The following FAM216A variants were observed in gnomAD, a reference collection of about 807,000 sequenced individuals.
The protein encoded by FAM216A is family with sequence similarity 216 member A, also known as protein FAM216A.
FAM216A carries 26 observed loss-of-function variants against 37.6 expected under a neutral mutation model. The ratio of observed to expected loss-of-function variants is 0.69; its 90% CI spans 0.51 to 0.96. The LOEUF is 0.96. Ranked by LOEUF, FAM216A falls within the 40% of genes least tolerant of loss-of-function variation. FAM216A has a pLI of 0.00. For synonymous variants in FAM216A, 110 were observed against 121.7 expected, an observed-to-expected ratio of 0.90 and a Z score of 0.64; for missense variants, 326 against 339.3, an observed-to-expected ratio of 0.96 and a Z score of 0.31.
intron 2 of FAM216A, among the ~76,000 whole-genome samples, chr12:110,474,318 TTA>T (rs926407567): frequency 2.6e-5 from 4 of 151,966 alleles, no homozygotes; most frequent in Admixed American, 2.0e-4. Context: ...ATTGACTTAG[TTA>T]TATAAAAGAA....
At chr12:110,478,839 G>T (rs1029471411) in intron 2 of FAM216A, among the ~76,000 whole-genome samples, 1 of 152,106 alleles carries the variant, frequency 6.6e-6, no homozygotes, top group African/African-American at 2.4e-5. Flanking sequence ...AGCCGCTAAA[G>T]TTGTGTTGTT....
chr12:110,479,379 A>G (rs886194915), intron 2 of FAM216A, among the ~76,000 whole-genome samples: 3 of 152,154 alleles, frequency 2.0e-5, no homozygotes, highest in African/African-American at 7.2e-5. Flanking sequence ...TTCCAATCCA[A>G]CAAACAGGGT....
intron 2 of FAM216A, among the ~76,000 whole-genome samples, chr12:110,479,150 C>T (rs144765740): frequency 0.018 from 2,724 of 147,948 alleles, 101 homozygotes; most frequent in African/African-American, 0.064. Flanking sequence ...GGCAACAGAG[C>T]GAGACTCTGT....
At chr12:110,471,796 A>T (rs555259431) in intron 1 of FAM216A, among the ~76,000 whole-genome samples, 1 of 152,266 alleles carries the variant, frequency 6.6e-6, no homozygotes, top group Non-Finnish European at 1.5e-5. Flanking sequence ...CGCCTGGCCC[A>T]TGAACTCTTG....
chr12:110,471,283 G>T (rs1262589090), intron 1 of FAM216A, among the ~76,000 whole-genome samples: 5 of 152,012 alleles, frequency 3.3e-5, no homozygotes, highest in Admixed American at 3.3e-4. Context: ...AGAGAACGGG[G>T]TTTCACCATG....
At chr12:110,471,392 T>C (rs1337305061) in intron 1 of FAM216A, among the ~76,000 whole-genome samples, 2 of 152,160 alleles carry the variant, frequency 1.3e-5, no homozygotes, top group Admixed American at 6.6e-5. Context: ...CCAGCACTTT[T>C]TTTCTTTAAA....
intron 2 of FAM216A, among the ~76,000 whole-genome samples, chr12:110,483,845 T>C (rs1385376329): frequency 6.6e-6 from 1 of 151,784 alleles, no homozygotes. Flanking sequence ...CAACAAAAAA[T>C]GAAATAACTG....
Position 110,486,581 on chromosome 12 carries a change from A to G in FAM216A, c.484A>G (p.Lys162Glu). ...CCGCCTTAGCTCCCGTTACTCACAG[A>G]AACAGCATTACCCTTGCACTACATG... ...RSRLSSRYSQ[K>E]QHYPCTTWRH... Residue 162 changes from lysine to glutamate, a missense_variant, in exon 5 of 7, where the codon AAA (lysine) becomes GAA (glutamate). Lys to Glu is a moderately conservative substitution (Grantham distance 56). Transcript: ENST00000377673. 1.9e-6 allele frequency: 3 copies of G among 1,614,058 alleles called. No individual in the cohort carries two copies. The highest frequency in any genetic ancestry group is 2.5e-6 in the Non-Finnish European group (3 of 1,180,000).
chr12:110,489,840 A>G (rs777691284), intron 6 of FAM216A, among the ~76,000 whole-genome samples, 179 bp from the exon 7 acceptor site: 33 of 152,196 alleles, frequency 2.2e-4, no homozygotes, highest in Non-Finnish European at 5.9e-5. Flanking sequence ...GCTAGAATAC[A>G]GTATTGTGTA....
intron 3 of FAM216A, 146 bp from the exon 4 acceptor site, chr12:110,486,172 TTTCTTTC>T (rs1319039302): frequency 1.3e-6 from 1 of 757,224 alleles, no homozygotes; most frequent in Admixed American, 3.1e-5. Flanking sequence ...TAATTGGCCA[TTTCTTTC>T]TCTTTTGTCA....
chr12:110,475,660 C>T (rs1026221340), intron 2 of FAM216A, among the ~76,000 whole-genome samples: 7 of 151,760 alleles, frequency 4.6e-5, no homozygotes, highest in Non-Finnish European at 1.0e-4. Flanking sequence ...CAGCCTCGAC[C>T]TCCCTGGCTC....
upstream of FAM216A, chr12:110,468,645 C>T: frequency 6.5e-7 from 1 of 1,537,198 alleles, no homozygotes; most frequent in African/African-American, 1.4e-5. Context: ...ATGTATATTT[C>T]CCTCCTGTGA....
chr12:110,489,174 T>G (rs2062795153), intron 6 of FAM216A, among the ~76,000 whole-genome samples: 1 of 152,180 alleles, frequency 6.6e-6, no homozygotes, highest in Non-Finnish European at 1.5e-5. Flanking sequence ...AGTAGTTTCC[T>G]AGTTATCAGC....
At chr12:110,468,708 G>C (rs957071248), upstream of FAM216A, 10 of 1,511,768 alleles carry the variant, frequency 6.6e-6, no homozygotes, top group Non-Finnish European at 8.8e-6. Flanking sequence ...CGACCGCAGC[G>C]CTCCTGCCCC....
intron 6 of FAM216A, among the ~76,000 whole-genome samples, chr12:110,489,085 A>G (rs1387295806): frequency 6.6e-6 from 1 of 152,212 alleles, no homozygotes; most frequent in Non-Finnish European, 1.5e-5. Context: ...ACAAGAACAA[A>G]ATACTGCAAA....
intron 2 of FAM216A, among the ~76,000 whole-genome samples, 165 bp from the exon 3 acceptor site, chr12:110,484,913 G>GC (rs2062768334): frequency 6.6e-6 from 1 of 152,086 alleles, no homozygotes; most frequent in South Asian, 2.1e-4. Flanking sequence ...TGTTAGCCAG[G>GC]ATGGTCTCGA....
chr12:110,480,905 TA>T (rs1251694754), intron 2 of FAM216A, among the ~76,000 whole-genome samples: 1 of 149,916 alleles, frequency 6.7e-6, no homozygotes, highest in Non-Finnish European at 1.5e-5. Context: ...AAAAACAAAA[TA>T]AAAAACCACT....
At position 110,479,227 on chromosome 12, in the gene FAM216A, C is replaced by A. The variant is rs1176116805; in HGVS notation, c.185-5851C>A. On this transcript the variant is annotated intron_variant, in intron 2 of 6. Transcript: ENST00000377673. ...GTACGTAGAAACCAAGATCTGGGTG[C>A]TAGGTGTGCTTATTTATAATATACT... 4.0e-5 allele frequency among the ~76,000 whole-genome samples: 6 copies of A among 151,718 alleles called. No individual in the cohort carries two copies. The South Asian group carries it at 6.2e-4, about 16-fold the overall frequency.
At chr12:110,483,282 G>T (rs2062758711) in intron 2 of FAM216A, among the ~76,000 whole-genome samples, 1 of 147,454 alleles carries the variant, frequency 6.8e-6, no homozygotes. Flanking sequence ...AATGAGCCGA[G>T]ATGGTGCCAC....
Sources: gnomAD v4.1 joint callset for allele counts (sites outside exome capture counted in the v4.1 genomes callset) on GRCh38, gnomAD v4.1.1 for gene constraint, MANE v1.5 for transcripts, NCBI Gene and HGNC (gene_info 2026-07-23, HGNC 2026-07-21) for gene names.